The following EXOC4 variants were observed in gnomAD, a reference collection of about 807,000 sequenced individuals.
The protein encoded by EXOC4 is exocyst complex component 4.
In EXOC4, 71 loss-of-function variants were observed where a neutral mutation model predicts 107.2. That is an observed-to-expected ratio of 0.66 (90% CI 0.55 to 0.81). The LOEUF is 0.81. Ranked by LOEUF, EXOC4 falls within the 30% of genes least tolerant of loss-of-function variation. The pLI is 0.00. For missense variants in EXOC4, 1,108 were observed against 1,189.6 expected (o/e 0.93, Z 1.01); for synonymous variants, 456 against 441.2 (o/e 1.03, Z -0.42).
chr7:133,809,616 C>T (rs548063688), intron 10 of EXOC4, among the ~76,000 whole-genome samples: 19 of 152,232 alleles, frequency 1.2e-4, no homozygotes, highest in Middle Eastern at 3.4e-3. Context: ...ATAAATCACG[C>T]GTTTCTATTG....
intron 14 of EXOC4, among the ~76,000 whole-genome samples, chr7:133,976,907 C>G (rs1793848970): frequency 6.6e-6 from 1 of 152,188 alleles, no homozygotes; most frequent in African/African-American, 2.4e-5. Context: ...TTAAGTTTCA[C>G]TTTTTAAAAG....
chr7:133,917,749 C>A lies in EXOC4; in HGVS notation c.2027+11C>A. On this transcript the variant is annotated intron_variant, in intron 13 of 17. Coordinates refer to ENST00000253861, the MANE Select transcript of EXOC4 (RefSeq NM_021807.4). ...AGAAGATTTCATAAGGTAAAAGGTC[C>A]ATTTTCTAAGTTGTCCTAAACATAG... is the stretch of plus-strand genomic sequence containing the variant. 5.6e-6 allele frequency: 9 copies of A among 1,612,730 alleles called. No individual in the cohort carries two copies. The highest frequency in any genetic ancestry group is 1.1e-5 in the South Asian group (1 of 90,766).
At chr7:133,343,311 A>T (rs1167842339) in intron 5 of EXOC4, among the ~76,000 whole-genome samples, 1 of 152,120 alleles carries the variant, frequency 6.6e-6, no homozygotes, top group East Asian at 1.9e-4. Context: ...CTGGCCACCC[A>T]GCAGAGCTAC....
At chr7:133,596,269 T>A (rs1350333905) in intron 9 of EXOC4, among the ~76,000 whole-genome samples, 2 of 152,218 alleles carry the variant, frequency 1.3e-5, no homozygotes, top group Admixed American at 1.3e-4. Context: ...ATTTGTGTGA[T>A]TTCTGGCTGT....
chr7:133,726,063 C>A (rs767629565), intron 10 of EXOC4, among the ~76,000 whole-genome samples: 1 of 152,098 alleles, frequency 6.6e-6, no homozygotes, highest in African/African-American at 2.4e-5. Flanking sequence ...TGTCAGTTAT[C>A]CAAGGGAAGT....
At chr7:133,286,832 T>C (rs1794290251) in intron 2 of EXOC4, among the ~76,000 whole-genome samples, 1 of 152,202 alleles carries the variant, frequency 6.6e-6, no homozygotes, top group Non-Finnish European at 1.5e-5. Context: ...TTCTGTGCAG[T>C]GTCTCATGCC....
intron 10 of EXOC4, among the ~76,000 whole-genome samples, chr7:133,763,843 T>C (rs2151154785): frequency 1.3e-5 from 2 of 152,172 alleles, no homozygotes; most frequent in East Asian, 1.9e-4. Flanking sequence ...CTGAAAGTAA[T>C]ATGGCAGGTT....
At chr7:133,907,258 T>C (rs2116584420) in intron 12 of EXOC4, among the ~76,000 whole-genome samples, 1 of 152,374 alleles carries the variant, frequency 6.6e-6, no homozygotes, top group Admixed American at 6.5e-5. Flanking sequence ...TGAGCTTTTA[T>C]TGTGTGCTCC....
At chr7:133,771,787 A>G (rs1441303545) in intron 10 of EXOC4, among the ~76,000 whole-genome samples, 1 of 151,964 alleles carries the variant, frequency 6.6e-6, no homozygotes, top group Non-Finnish European at 1.5e-5. Context: ...TGTCTAAAAT[A>G]TGAGTTCCAA....
At chr7:133,963,252 A>G (rs957563768) in intron 14 of EXOC4, among the ~76,000 whole-genome samples, 2 of 152,248 alleles carry the variant, frequency 1.3e-5, no homozygotes, top group African/African-American at 4.8e-5. Context: ...GAGGGGAGGC[A>G]TCTGTAGTAC....
intron 17 of EXOC4, among the ~76,000 whole-genome samples, chr7:134,027,565 C>T (rs1281794089): frequency 4.0e-5 from 6 of 148,648 alleles, no homozygotes; most frequent in Non-Finnish European, 5.9e-5. Flanking sequence ...GGCTGAGGCA[C>T]GAGAATCGCT....
chr7:134,100,281 A>AC, the EXOC4 span, among the ~76,000 whole-genome samples: 2 of 73,638 alleles, frequency 2.7e-5, no homozygotes, highest in Non-Finnish European at 6.7e-5. Context: ...GAAGCCAGGG[A>AC]AGAGGCCTGG....
intron 14 of EXOC4, among the ~76,000 whole-genome samples, chr7:133,941,040 G>A (rs923840505): frequency 4.0e-5 from 6 of 149,692 alleles, no homozygotes; most frequent in African/African-American, 1.5e-4. Flanking sequence ...TTTTTTTTGA[G>A]ATGGATTCAT....
rs945616389 is a variant in EXOC4, at chr7:134,022,644, C to T, written c.2687+14809C>T. On this transcript the variant is annotated intron_variant, in intron 17 of 17. Coordinates refer to ENST00000253861, the MANE Select transcript of EXOC4 (RefSeq NM_021807.4). ...GCCTTCCAGTAAGATCTGTAAAGAT[C>T]TGCCTGGATAATACCAACCTCTATG... is the stretch of plus-strand genomic sequence containing the variant. 2.0e-5 allele frequency among the ~76,000 whole-genome samples: 3 copies of T among 152,268 alleles called. No homozygotes were observed. The South Asian group carries it at 6.2e-4, about 32-fold the overall frequency.
intron 7 of EXOC4, among the ~76,000 whole-genome samples, chr7:133,389,052 G>A (rs1286477127): frequency 6.6e-6 from 1 of 152,134 alleles, no homozygotes; most frequent in Non-Finnish European, 1.5e-5. Flanking sequence ...TTTTTGGATA[G>A]AGGAGTAAAG....
intron 6 of EXOC4, among the ~76,000 whole-genome samples, chr7:133,369,031 T>C (rs955379905): frequency 1.3e-5 from 2 of 152,186 alleles, no homozygotes; most frequent in African/African-American, 4.8e-5. Flanking sequence ...ATATTTTCTG[T>C]TGGGAGTTGG....
intron 6 of EXOC4, among the ~76,000 whole-genome samples, chr7:133,361,939 A>G (rs1796145391): frequency 6.6e-6 from 1 of 152,216 alleles, no homozygotes. Context: ...CAACAGTACA[A>G]TGTTTAAAGT....
chr7:133,678,917 G>A (rs1794124954), intron 10 of EXOC4, among the ~76,000 whole-genome samples: 1 of 152,114 alleles, frequency 6.6e-6, no homozygotes, highest in Non-Finnish European at 1.5e-5. Context: ...ACCACACCTG[G>A]CCAGCTTCCA....
intron 6 of EXOC4, among the ~76,000 whole-genome samples, chr7:133,371,677 A>G (rs1480773215): frequency 6.6e-6 from 1 of 152,210 alleles, no homozygotes; most frequent in Non-Finnish European, 1.5e-5. Flanking sequence ...GTTGTTGCGC[A>G]TAACACTGCT....
Sources: allele counts gnomAD v4.1 joint callset (sites outside exome capture counted in the v4.1 genomes callset), GRCh38; gene constraint gnomAD v4.1.1; transcripts MANE v1.5; gene names NCBI Gene and HGNC (gene_info 2026-07-23, HGNC 2026-07-21).